WDR25: variants seen among roughly 807,000 people sequenced by gnomAD.
WDR25 encodes the protein WD repeat-containing protein 25.
WDR25 carries 35 observed loss-of-function variants against 47.7 expected under a neutral mutation model. The observed-to-expected ratio is 0.73, with a 90% CI of 0.56 to 0.97. WDR25 has a LOEUF of 0.97. Among genes scored for constraint, WDR25 ranks in the 50% least tolerant of loss-of-function variants. WDR25 has a pLI of 0.00. For synonymous variants in WDR25, 248 were observed against 278.9 expected, an observed-to-expected ratio of 0.89 and a Z score of 1.10; for missense variants, 634 against 704.7, an observed-to-expected ratio of 0.90 and a Z score of 1.14.
intron 2 of WDR25, among the ~76,000 whole-genome samples, chr14:100,436,441 AT>A (rs1898501956): frequency 6.6e-6 from 1 of 152,170 alleles, no homozygotes; most frequent in South Asian, 2.1e-4. Context: ...CAGCGGTATA[AT>A]TTGCAATGAA....
chr14:100,503,735 T>C (rs1283937329), intron 4 of WDR25: 1 of 152,270 alleles, frequency 6.6e-6, no homozygotes, highest in Admixed American at 6.5e-5. Context: ...GGATTCCCGT[T>C]GGCAGAGCGG....
At chr14:100,519,852 C>CTA (rs199803054) in intron 4 of WDR25, among the ~76,000 whole-genome samples, 1 of 132,234 alleles carries the variant, frequency 7.6e-6, no homozygotes, top group Admixed American at 8.1e-5. Context: ...ACTATATATG[C>CTA]TATATATATA....
chr14:100,509,926 T>A (rs1432668994), intron 4 of WDR25, among the ~76,000 whole-genome samples: 1 of 152,182 alleles, frequency 6.6e-6, no homozygotes, highest in Non-Finnish European at 1.5e-5. Flanking sequence ...TTAGGTCTAT[T>A]GTTGTACTCT....
At chr14:100,384,969 C>A (rs1484362225) in intron 2 of WDR25, among the ~76,000 whole-genome samples, 2 of 152,168 alleles carry the variant, frequency 1.3e-5, no homozygotes, top group African/African-American at 4.8e-5. Context: ...TTAAACATGC[C>A]TCGCTGGGTT....
chr14:100,454,941 AT>A (rs1473682362), intron 2 of WDR25: 1 of 157,398 alleles, frequency 6.4e-6, no homozygotes, highest in African/African-American at 2.4e-5. Context: ...TTAAATCAAT[AT>A]TCTTCAGAGG....
intron 2 of WDR25, among the ~76,000 whole-genome samples, chr14:100,409,346 A>G (rs577026479): frequency 4.6e-5 from 7 of 152,292 alleles, no homozygotes; most frequent in Admixed American, 2.0e-4. Flanking sequence ...GCCTTTTAGT[A>G]TATGAATCAG....
chr14:100,376,686 C>T, intron 1 of WDR25, 191 bp downstream of exon 1: 1 of 1,231,384 alleles, frequency 8.1e-7, no homozygotes, highest in Non-Finnish European at 1.0e-6. Context: ...TCCTATTCAT[C>T]CTTCAAAACC....
intron 3 of WDR25, among the ~76,000 whole-genome samples, chr14:100,475,981 G>A (rs1466253057): frequency 6.6e-6 from 1 of 152,150 alleles, no homozygotes; most frequent in East Asian, 1.9e-4. Context: ...TATGTTATTA[G>A]AAGACAAATT....
chr14:100,478,762 G>A (rs1004027863), intron 3 of WDR25, among the ~76,000 whole-genome samples: 2 of 152,038 alleles, frequency 1.3e-5, no homozygotes, highest in Non-Finnish European at 2.9e-5. Context: ...TTCGATCATC[G>A]TCTTTTAGCA....
intron 2 of WDR25, among the ~76,000 whole-genome samples, chr14:100,383,565 C>A (rs2140141005): frequency 6.6e-6 from 1 of 152,396 alleles, no homozygotes; most frequent in South Asian, 2.1e-4. Flanking sequence ...TGGTGAGGGG[C>A]AGACCTGGGG....
intron 2 of WDR25, among the ~76,000 whole-genome samples, chr14:100,436,481 G>A (rs1898503158): frequency 6.6e-6 from 1 of 152,198 alleles, no homozygotes; most frequent in Non-Finnish European, 1.5e-5. Context: ...TACATGTTTT[G>A]ATGGCATCTT....
intron 2 of WDR25, among the ~76,000 whole-genome samples, chr14:100,442,610 C>A (rs1437490695): frequency 6.6e-6 from 1 of 152,174 alleles, no homozygotes; most frequent in Non-Finnish European, 1.5e-5. Context: ...AGTTTAATTT[C>A]TTTTTCCTTT....
intron 4 of WDR25, among the ~76,000 whole-genome samples, chr14:100,486,956 T>C (rs928424315): frequency 1.3e-5 from 2 of 152,128 alleles, no homozygotes; most frequent in Non-Finnish European, 2.9e-5. Flanking sequence ...AGGTAAACAT[T>C]AGCAACATTT....
intron 1 of WDR25, among the ~76,000 whole-genome samples, chr14:100,379,084 C>A (rs1896805988): frequency 1.3e-5 from 2 of 151,044 alleles, no homozygotes; most frequent in Admixed American, 1.3e-4. Context: ...CACCATGGAT[C>A]CTGGACGTCT....
intron 4 of WDR25, among the ~76,000 whole-genome samples, chr14:100,508,506 A>G (rs986437657): frequency 1.3e-5 from 2 of 152,190 alleles, no homozygotes; most frequent in African/African-American, 4.8e-5. Context: ...TAGTTCTTGT[A>G]GCTTTTTCCT....
At chr14:100,421,360 C>A (rs1473684069) in intron 2 of WDR25, among the ~76,000 whole-genome samples, 1 of 152,098 alleles carries the variant, frequency 6.6e-6, no homozygotes, top group Non-Finnish European at 1.5e-5. Context: ...TGAGCACTTA[C>A]CATATGCAGC....
At chr14:100,383,212 T>G (rs1198853029) in intron 2 of WDR25, among the ~76,000 whole-genome samples, 1 of 152,218 alleles carries the variant, frequency 6.6e-6, no homozygotes, top group Non-Finnish European at 1.5e-5. Flanking sequence ...GAACGTCATA[T>G]TCTCTCTTCA....
Position 100,405,948 on chromosome 14 carries a change from A to T in WDR25, c.822+24202A>T, listed in dbSNP as rs146256866. On this transcript the variant is annotated intron_variant, in intron 2 of 6. Coordinates refer to ENST00000402312, the MANE Select transcript of WDR25 (RefSeq NM_001161476.3). ...TGCCTACATGGGGCTCAAAATGATG[A>T]TGCAATCAATCCGTTTCTTGACTTT... Among the ~76,000 whole-genome samples the T allele has an allele frequency of 8.4e-3, 1,284 of 152,302 alleles. 23 individuals are homozygous for T. Among genetic ancestry groups the T allele is most frequent in the African/African-American group, 0.029 (1,221 of 41,554 alleles).
At chr14:100,520,550 G>C (rs2029867505) in intron 4 of WDR25, among the ~76,000 whole-genome samples, 1 of 152,186 alleles carries the variant, frequency 6.6e-6, no homozygotes, top group African/African-American at 2.4e-5. Context: ...AATGTCAGCT[G>C]CTTTTGATAG....
Sources: allele counts gnomAD v4.1 joint callset (sites outside exome capture counted in the v4.1 genomes callset), GRCh38; gene constraint gnomAD v4.1.1; transcripts MANE v1.5; gene names NCBI Gene and HGNC (gene_info 2026-07-23, HGNC 2026-07-21).